Variants in ERC1 observed in about 807,000 individuals in gnomAD.
ERC1 encodes the protein ELKS/RAB6-interacting/CAST family member 1.
Under a neutral mutation model 132.0 loss-of-function variants are expected in ERC1, and 56 were observed. That is an observed-to-expected ratio of 0.42 (90% CI 0.34 to 0.53). The LOEUF is 0.53. Ranked by LOEUF, ERC1 falls within the 20% of genes least tolerant of loss-of-function variation. The probability of loss-of-function intolerance (pLI) is 0.03; values close to 1 mark genes in which losing one functional copy is unlikely to be tolerated. For missense variants in ERC1, 1,202 were observed against 1,349.9 expected (o/e 0.89, Z 1.72); for synonymous variants, 478 against 476.1 (o/e 1.00, Z -0.05).
At chr12:1,163,842 A>C (rs1387149807) in intron 8 of ERC1, among the ~76,000 whole-genome samples, 2 of 152,066 alleles carry the variant, frequency 1.3e-5, no homozygotes, top group Non-Finnish European at 2.9e-5. Flanking sequence ...CAGCCTCCCT[A>C]GTAGCTGGGA....
chr12:1,025,862 G>A (rs932023212), intron 1 of ERC1, among the ~76,000 whole-genome samples: 3 of 150,042 alleles, frequency 2.0e-5, no homozygotes, highest in Non-Finnish European at 4.4e-5. Flanking sequence ...GCAGTGGCGC[G>A]ATCTCGGCTC....
rs71293128 is a variant in ERC1 at position 1,266,391 on chromosome 12, C to CTTTTTTTTTTTTTT, written c.2619+3244_2619+3257dup. On this transcript the variant is annotated intron_variant, in intron 14 of 18. Transcript: ENST00000360905. The stretch of plus-strand genomic sequence containing the variant: ...TATTATTATTTTTATCGTTTCCTGT[C>CTTTTTTTTTTTTTT]TTTTTTTTTTTTTTTTTTTTTTTTT... Among the ~76,000 whole-genome samples, 8 of 43,016 alleles carry CTTTTTTTTTTTTTT rather than the reference C, an allele frequency of 1.9e-4. 2 individuals are homozygous for CTTTTTTTTTTTTTT. The highest frequency in any genetic ancestry group is 6.9e-4 in the East Asian group (1 of 1,456). The allele number at this position is 43,016 out of a possible 152,430, so 28.2% of individuals were successfully genotyped here.
In ERC1 at chr12:1,256,675, G is replaced by T. The variant is rs996325102; in HGVS notation, c.2488-6359G>T. Among the ~76,000 whole-genome samples, 2 of 150,680 alleles carry T rather than the reference G, an allele frequency of 1.3e-5. 1 individual carries two copies. Among genetic ancestry groups the T allele is most frequent in the African/African-American group, 4.9e-5 (2 of 40,634 alleles). ...TATTAGAGTTCAAATCACTTGCAGA[G>T]TTTATTCTGAATAATTCCTGACATA... On this transcript the variant is annotated intron_variant, in intron 13 of 18. Coordinates refer to ENST00000360905, the MANE Select transcript of ERC1 (RefSeq NM_178040.4).
chr12:1,237,699 G>A (rs1224360729), intron 13 of ERC1, among the ~76,000 whole-genome samples: 2 of 152,214 alleles, frequency 1.3e-5, no homozygotes, highest in African/African-American at 2.4e-5. Flanking sequence ...TTTTAACTGG[G>A]ACTTCCTGAA....
At position 1,263,145 on chromosome 12, in the gene ERC1, A is replaced by G. The variant is rs771906074; in HGVS notation, c.2599A>G (p.Arg867Gly). ...GGTGCTAGCACAAGAGGAATCAGCC[A>G]GGACCAATGCTGAAAAACAGGTCTG... is the stretch of plus-strand genomic sequence containing the variant. ...EMVLAQEESA[R>G]TNAEKQVEEL... Residue 867 changes from arginine (R) to glycine (G), a missense_variant, in exon 14 of 19, where the codon AGG becomes GGG. Transcript: ENST00000360905. 1.2e-6 allele frequency: 2 copies of G among 1,614,104 alleles called. No homozygotes were observed. The highest frequency in any genetic ancestry group is 1.1e-5 in the South Asian group (1 of 91,084).
At chr12:1,225,359 AG>A (rs1455044476) in intron 12 of ERC1, among the ~76,000 whole-genome samples, 1 of 151,762 alleles carries the variant, frequency 6.6e-6, no homozygotes, top group Non-Finnish European at 1.5e-5. Context: ...CTGAGGCAGG[AG>A]GATCAATTGA....
chr12:1,339,389 G>A (rs1177681309), intron 15 of ERC1, among the ~76,000 whole-genome samples: 1 of 143,292 alleles, frequency 7.0e-6, no homozygotes, highest in Non-Finnish European at 1.5e-5. Context: ...CAGTGGCAGA[G>A]GCAGCTCAGC....
intron 14 of ERC1, among the ~76,000 whole-genome samples, chr12:1,284,732 G>C (rs2078930874): frequency 6.6e-6 from 1 of 152,156 alleles, no homozygotes; most frequent in Non-Finnish European, 1.5e-5. Flanking sequence ...GCGCAGTGGT[G>C]TGATCATAGC....
intron 3 of ERC1, among the ~76,000 whole-genome samples, chr12:1,102,821 T>C (rs1944826015): frequency 6.6e-6 from 1 of 152,184 alleles, no homozygotes; most frequent in Non-Finnish European, 1.5e-5. Flanking sequence ...ACATGCGTTC[T>C]TTTTTGGCTG....
At chr12:1,096,274 G>C (rs1944029866) in intron 3 of ERC1, among the ~76,000 whole-genome samples, 4 of 152,140 alleles carry the variant, frequency 2.6e-5, no homozygotes, top group African/African-American at 9.7e-5. Flanking sequence ...TAGGAATTAG[G>C]TGATGCTCAA....
rs192526215 is a variant in ERC1 at position 1,472,215 on chromosome 12, A to G, written c.3214-17878A>G. 1.2e-3 allele frequency among the ~76,000 whole-genome samples: 180 copies of G among 152,212 alleles called. 2 individuals are homozygous for G. The highest frequency in any genetic ancestry group is 4.1e-3 in the Admixed American group (63 of 15,294). ...ATTCACTAGAAATCTTAACTGTTTTATTTCTTTTAGGGCTGGGGGCTGCCA... is the reference window on the plus strand; with the variant it reads ...ATTCACTAGAAATCTTAACTGTTTTGTTTCTTTTAGGGCTGGGGGCTGCCA... On this transcript the variant is annotated intron_variant, in intron 18 of 18. Transcript: ENST00000360905.
chr12:1,180,275 GTGTGTGT>G (rs1954267199), intron 8 of ERC1, among the ~76,000 whole-genome samples: 1 of 147,606 alleles, frequency 6.8e-6, no homozygotes, highest in African/African-American at 2.7e-5. Context: ...GTGTGTGTGT[GTGTGTGT>G]GCGCGCACGC....
At chr12:1,084,795 G>GA (rs1565936248) in intron 3 of ERC1, among the ~76,000 whole-genome samples, 1 of 151,900 alleles carries the variant, frequency 6.6e-6, no homozygotes, top group African/African-American at 2.4e-5. Context: ...GGGCTTAGGT[G>GA]AGCCTTCTGC....
intron 18 of ERC1, among the ~76,000 whole-genome samples, chr12:1,451,473 A>G (rs1395170066): frequency 6.8e-6 from 1 of 147,444 alleles, no homozygotes; most frequent in East Asian, 1.9e-4. Context: ...AAATTTAAAA[A>G]ATTTAGCTGG....
intron 1 of ERC1, among the ~76,000 whole-genome samples, chr12:1,007,532 CTCTCTCTCTGTGTGTGTGTGTG>C (rs1565769213): frequency 1.3e-5 from 1 of 76,366 alleles, no homozygotes. Flanking sequence ...CTCTCTCTCT[CTCTCTCTCTGTGTGTGTGTGTG>C]TGTGTGTGTG....
At chr12:1,121,597 T>A (rs1157290716) in intron 7 of ERC1, among the ~76,000 whole-genome samples, 2 of 151,984 alleles carry the variant, frequency 1.3e-5, no homozygotes, top group African/African-American at 2.4e-5. Flanking sequence ...TGAGAACCCT[T>A]CTGAGCACTG....
chr12:1,322,894 T>C (rs1012001099), intron 15 of ERC1, among the ~76,000 whole-genome samples: 3 of 152,176 alleles, frequency 2.0e-5, no homozygotes, highest in African/African-American at 7.2e-5. Flanking sequence ...GACTTCCTTT[T>C]TCACACCTGA....
chr12:1,204,114 T>G (rs1957151142), intron 12 of ERC1: 1 of 173,404 alleles, frequency 5.8e-6, no homozygotes. Context: ...TCTATAAAAC[T>G]AAGCAGACTA....
intron 18 of ERC1, among the ~76,000 whole-genome samples, chr12:1,471,341 A>T (rs938148747): frequency 1.3e-5 from 2 of 152,142 alleles, no homozygotes; most frequent in African/African-American, 4.8e-5. Context: ...CGTAGAAAAA[A>T]CTGAAATTAT....
Sources: gnomAD v4.1 joint callset for allele counts (sites outside exome capture counted in the v4.1 genomes callset) on GRCh38, gnomAD v4.1.1 for gene constraint, MANE v1.5 for transcripts, NCBI Gene and HGNC (gene_info 2026-07-23, HGNC 2026-07-21) for gene names.